JAKMIP3: variants seen among roughly 807,000 people sequenced by gnomAD.
JAKMIP3 encodes janus kinase and microtubule-interacting protein 3.
A neutral mutation model predicts 118.5 loss-of-function variants in JAKMIP3; 58 were observed. The observed-to-expected ratio is 0.49, with a 90% CI of 0.40 to 0.61. The LOEUF (loss-of-function observed/expected upper bound fraction) is 0.61. Ranked by LOEUF, JAKMIP3 falls within the 20% of genes least tolerant of loss-of-function variation. The pLI is 0.00. For synonymous variants in JAKMIP3, 486 were observed against 451.2 expected (o/e 1.08, Z -0.98); for missense variants, 950 against 1,109.0 (o/e 0.86, Z 2.04).
chr10:132,180,523 C>CTGTGTGTGCGTGTG (rs1337756761), intron 23 of JAKMIP3, among the ~76,000 whole-genome samples: 8 of 74,454 alleles, frequency 1.1e-4, no homozygotes, highest in South Asian at 5.0e-4. Flanking sequence ...GGAAGCAGAA[C>CTGTGTGTGCGTGTG]TGTGTGTGTG....
At chr10:132,138,321 ACCGCGC>A in intron 9 of JAKMIP3, 143 bp downstream of exon 9, 1 of 710,046 alleles carries the variant, frequency 1.4e-6, no homozygotes, top group East Asian at 2.9e-5. Flanking sequence ...TGTGCCGAGG[ACCGCGC>A]CCACGTGTGT....
In JAKMIP3 at chr10:132,151,194, C is replaced by T. The variant is rs571344829; in HGVS notation, c.2007+1153C>T. Among the ~76,000 whole-genome samples, 7 of 152,272 alleles carry T rather than the reference C, an allele frequency of 4.6e-5. No individual in the cohort carries two copies. The South Asian group carries it at 1.5e-3, about 32-fold the overall frequency. On this transcript the variant is annotated intron_variant, in intron 16 of 23. Coordinates refer to ENST00000684848, the MANE Select transcript of JAKMIP3 (RefSeq NM_001323087.2). Reference sequence around the variant, plus strand: ...AATCCATCCACCCTCCATAATTTATCTATGCATCCTCCATCATTCATTCAT... The same window carrying T: ...AATCCATCCACCCTCCATAATTTATTTATGCATCCTCCATCATTCATTCAT...
At chr10:132,080,672 C>T (rs2041643460) in intron 1 of JAKMIP3, among the ~76,000 whole-genome samples, 1 of 151,804 alleles carries the variant, frequency 6.6e-6, no homozygotes, top group Non-Finnish European at 1.5e-5. Context: ...CAGGCATGTG[C>T]CACCATGCCC....
intron 23 of JAKMIP3, among the ~76,000 whole-genome samples, chr10:132,180,669 G>GCA (rs2061010529): frequency 2.4e-5 from 1 of 42,184 alleles, no homozygotes; most frequent in Non-Finnish European, 5.3e-5. Context: ...GTGTGTGCGT[G>GCA]TGTGTGCGCG....
intron 3 of JAKMIP3, among the ~76,000 whole-genome samples, chr10:132,125,356 A>G (rs7094434): frequency 0.8 from 121,590 of 152,310 alleles, 48,792 homozygotes; most frequent in African/African-American, 0.83. Context: ...CTGCGATAGC[A>G]CTTTGGTCGT....
rs1478599440 is a variant in JAKMIP3 at position 132,134,104 on chromosome 10, G to A, written c.849+577G>A. On this transcript the variant is annotated intron_variant, in intron 4 of 23. Coordinates refer to ENST00000684848, the MANE Select transcript of JAKMIP3 (RefSeq NM_001323087.2). ...GACCACCCCGGGCTGAGCTCCACCC[G>A]CTTCCTTGCTGCCGCTCCGCACTCA... 3.3e-5 allele frequency among the ~76,000 whole-genome samples: 5 copies of A among 152,206 alleles called. 1 individual carries two copies. Among genetic ancestry groups the A allele is most frequent in the South Asian group, 4.1e-4 (2 of 4,832 alleles).
At chr10:132,111,065 G>A (rs1041503084) in intron 2 of JAKMIP3, among the ~76,000 whole-genome samples, 4 of 152,252 alleles carry the variant, frequency 2.6e-5, no homozygotes, top group Non-Finnish European at 4.4e-5. Context: ...ATGAGGAAGT[G>A]CAGGGAGCAG....
upstream of JAKMIP3, among the ~76,000 whole-genome samples, chr10:132,060,287 G>A (rs2038354625): frequency 6.6e-6 from 1 of 152,196 alleles, no homozygotes; most frequent in Admixed American, 6.5e-5. Context: ...GCCCGGCCGG[G>A]AGGTGATGAT....
chr10:132,180,656 T>TGC (rs1299558343), intron 23 of JAKMIP3, among the ~76,000 whole-genome samples: 297 of 16,318 alleles, frequency 0.018, 33 homozygotes, highest in East Asian at 0.058. Flanking sequence ...CGTGTGCGTG[T>TGC]GCGTGTGTGC....
intron 3 of JAKMIP3, among the ~76,000 whole-genome samples, chr10:132,119,334 T>C (rs1860845125): frequency 6.6e-6 from 1 of 152,176 alleles, no homozygotes; most frequent in East Asian, 1.9e-4. Context: ...AGTAAAACAG[T>C]CTAATTTGCT....
rs746991217 is a variant in JAKMIP3 at position 132,153,018 on chromosome 10, G to A, written c.2068G>A (p.Glu690Lys). The A allele has an allele frequency of 3.1e-5, 49 of 1,606,088 alleles. 1 individual carries two copies. The South Asian group carries it at 3.1e-4, about 10-fold the overall frequency. Reference sequence around the variant, plus strand: ...AGCCAGGACAGTCCTGACCTTGGCCGAAAAGGTAACAGCAGCTGTGTGGAC... The same window carrying A: ...AGCCAGGACAGTCCTGACCTTGGCCAAAAAGGTAACAGCAGCTGTGTGGAC... ...IQARTVLTLA[E>K]KWLQQIEETE... The change falls in exon 17 of 24, where the codon GAA becomes AAA. Residue 690 changes from glutamate to lysine, a missense_variant. Physicochemically the swap from Glu to Lys is moderately conservative, Grantham distance 56. Transcript: ENST00000684848.
intron 20 of JAKMIP3, 145 bp downstream of exon 20, chr10:132,163,557 C>T: frequency 1.4e-6 from 1 of 701,616 alleles, no homozygotes; most frequent in Admixed American, 2.7e-5. Context: ...ATAACACACA[C>T]TCTGATGGCT....
At chr10:132,158,334 T>A (rs2057340116) in intron 19 of JAKMIP3, among the ~76,000 whole-genome samples, 1 of 152,138 alleles carries the variant, frequency 6.6e-6, no homozygotes, top group Non-Finnish European at 1.5e-5. Context: ...CCAGAGCAAC[T>A]GCCACCATGG....
chr10:132,061,420 G>A (rs2038395574), upstream of JAKMIP3, among the ~76,000 whole-genome samples: 2 of 152,232 alleles, frequency 1.3e-5, no homozygotes, highest in Admixed American at 1.3e-4. Context: ...ACTAGCCTAC[G>A]TTCACAGGCA....
intron 1 of JAKMIP3, among the ~76,000 whole-genome samples, chr10:132,097,874 CCTTTTA>C (rs2044122297): frequency 3.0e-5 from 3 of 100,734 alleles, no homozygotes; most frequent in Non-Finnish European, 6.3e-5. Context: ...TTCCTTCCTT[CCTTTTA>C]TTTTCTTCCC....
At chr10:132,097,728 T>A (rs2044086766) in intron 1 of JAKMIP3, among the ~76,000 whole-genome samples, 1 of 144,806 alleles carries the variant, frequency 6.9e-6, no homozygotes, top group Non-Finnish European at 1.5e-5. Flanking sequence ...TGCATGTGGG[T>A]CTACAATTAT....
intron 1 of JAKMIP3, among the ~76,000 whole-genome samples, chr10:132,089,258 G>A (rs1399001930): frequency 6.6e-6 from 1 of 152,168 alleles, no homozygotes; most frequent in Non-Finnish European, 1.5e-5. Flanking sequence ...GTCATTGGTA[G>A]CTTGATGGGG....
At chr10:132,102,080 G>A (rs1377393592) in intron 1 of JAKMIP3, among the ~76,000 whole-genome samples, 1 of 152,116 alleles carries the variant, frequency 6.6e-6, no homozygotes, top group Non-Finnish European at 1.5e-5. Context: ...AGACAGCAAA[G>A]CACCTGCAGA....
chr10:132,046,325 G>C (rs985917087), intron 1 of JAKMIP3, among the ~76,000 whole-genome samples: 3 of 152,104 alleles, frequency 2.0e-5, no homozygotes, highest in Non-Finnish European at 4.4e-5. Context: ...GCGTGGTGGC[G>C]GGCACCTGTA....
Sources: allele counts gnomAD v4.1 joint callset (sites outside exome capture counted in the v4.1 genomes callset), GRCh38; gene constraint gnomAD v4.1.1; transcripts MANE v1.5; gene names NCBI Gene and HGNC (gene_info 2026-07-23, HGNC 2026-07-21).